The following FER1L6 variants were observed in gnomAD, a reference collection of about 807,000 sequenced individuals.
FER1L6 encodes the protein fer-1 like family member 6.
In FER1L6, 177 loss-of-function variants were observed where a neutral mutation model predicts 219.2. That is an observed-to-expected ratio of 0.81 (90% CI 0.71 to 0.91). The LOEUF (loss-of-function observed/expected upper bound fraction) is 0.91. Ranked by LOEUF, FER1L6 falls within the 40% of genes least tolerant of loss-of-function variation. The pLI is 0.00. For missense variants in FER1L6, 2,153 were observed against 2,259.9 expected (o/e 0.95, Z 0.96); for synonymous variants, 768 against 824.3 (o/e 0.93, Z 1.17).
chr8:124,112,021 G>C (rs1823040064), intron 39 of FER1L6, among the ~76,000 whole-genome samples: 1 of 152,176 alleles, frequency 6.6e-6, no homozygotes, highest in Non-Finnish European at 1.5e-5. Flanking sequence ...TAATAGGGTA[G>C]CAAGTTAGGT....
chr8:123,937,073 T>C (rs184935433), intron 1 of FER1L6, among the ~76,000 whole-genome samples: 369 of 152,262 alleles, frequency 2.4e-3, no homozygotes, highest in African/African-American at 8.5e-3. Context: ...GCCCGGCTAA[T>C]TTTTGTATTT....
intron 2 of FER1L6, among the ~76,000 whole-genome samples, chr8:123,960,537 C>T (rs758514117): frequency 1.3e-5 from 2 of 152,174 alleles, no homozygotes; most frequent in Admixed American, 6.5e-5. Context: ...TCACAAACTA[C>T]CACTAACTCA....
chr8:123,936,418 T>G (rs1041378880), intron 1 of FER1L6, among the ~76,000 whole-genome samples: 2 of 151,874 alleles, frequency 1.3e-5, no homozygotes, highest in South Asian at 2.1e-4. Context: ...TCTCACAGTT[T>G]AGAAAGTACA....
At chr8:123,856,248 TGAG>T (rs1816640521) in intron 1 of FER1L6, among the ~76,000 whole-genome samples, 3 of 134,962 alleles carry the variant, frequency 2.2e-5, no homozygotes, top group Non-Finnish European at 4.8e-5. Context: ...TACATGTGTA[TGAG>T]ATATATGTAT....
intron 12 of FER1L6, among the ~76,000 whole-genome samples, chr8:124,002,603 G>A (rs1174934752): frequency 6.6e-6 from 1 of 151,870 alleles, no homozygotes; most frequent in Non-Finnish European, 1.5e-5. Flanking sequence ...CCTATACAAA[G>A]ATATTTATAG....
intron 32 of FER1L6, among the ~76,000 whole-genome samples, chr8:124,076,975 A>G (rs13254252): frequency 0.85 from 128,884 of 152,254 alleles, 54,670 homozygotes; most frequent in African/African-American, 0.87. Context: ...CTAGGCATTC[A>G]CCAGCTCACA....
intron 1 of FER1L6, among the ~76,000 whole-genome samples, chr8:123,894,106 C>A (rs1434856886): frequency 6.6e-6 from 1 of 151,962 alleles, no homozygotes; most frequent in Non-Finnish European, 1.5e-5. Context: ...AGAAACTGAC[C>A]CTCTGGTTTT....
chr8:124,047,094 TGTTA>T (rs1380943599), intron 21 of FER1L6, among the ~76,000 whole-genome samples: 1 of 152,230 alleles, frequency 6.6e-6, no homozygotes, highest in Non-Finnish European at 1.5e-5. Flanking sequence ...TGCTTTCAAT[TGTTA>T]GTGTTTATTT....
At chr8:123,893,005 T>C (rs1196994463) in intron 1 of FER1L6, among the ~76,000 whole-genome samples, 1 of 151,502 alleles carries the variant, frequency 6.6e-6, no homozygotes. Context: ...CCTAAAATTC[T>C]GATATGTTTT....
In FER1L6 at chr8:124,041,698, C is replaced by T. The variant is rs1368827193; in HGVS notation, c.2589+1692C>T. Among the ~76,000 whole-genome samples, 8 of 152,234 alleles carry T rather than the reference C, an allele frequency of 5.3e-5. No individual in the cohort carries two copies. In the South Asian group the frequency reaches 1.7e-3, roughly 32 times the overall value. On this transcript the variant is annotated intron_variant, in intron 20 of 40. Transcript: ENST00000522917. ...TACCTGGGGGAGAAGTCAGGAGACA[C>T]CTCAGAAGAAAGGTGACTTCATCCT...
chr8:123,940,864 A>G (rs1053655348), intron 1 of FER1L6, among the ~76,000 whole-genome samples: 1 of 152,180 alleles, frequency 6.6e-6, no homozygotes, highest in Non-Finnish European at 1.5e-5. Flanking sequence ...TCAGGGCTAA[A>G]TGTTTAAGGA....
At chr8:123,885,380 A>G (rs1817183046) in intron 1 of FER1L6, among the ~76,000 whole-genome samples, 1 of 152,074 alleles carries the variant, frequency 6.6e-6, no homozygotes, top group South Asian at 2.1e-4. Flanking sequence ...GCTGTCTTGT[A>G]TCTTATTCTC....
At chr8:123,926,520 G>C (rs117410953) in intron 1 of FER1L6, among the ~76,000 whole-genome samples, 1 of 152,160 alleles carries the variant, frequency 6.6e-6, no homozygotes, top group Non-Finnish European at 1.5e-5. Context: ...AGGTTATGGT[G>C]GGGGAGGCAA....
intron 18 of FER1L6, among the ~76,000 whole-genome samples, chr8:124,025,691 G>GT (rs1461036330): frequency 2.0e-5 from 3 of 152,110 alleles, no homozygotes; most frequent in African/African-American, 4.8e-5. Flanking sequence ...TTTTAGGATA[G>GT]TTTTTTCTAA....
intron 33 of FER1L6, among the ~76,000 whole-genome samples, chr8:124,086,447 CAAAA>C (rs202042174): frequency 1.4e-5 from 2 of 139,008 alleles, no homozygotes; most frequent in East Asian, 4.1e-4. Context: ...CATAAACAAA[CAAAA>C]AAAAAAAGCA....
Position 123,853,200 on chromosome 8 carries a change from G to T in FER1L6, c.-8+1015G>T, listed in dbSNP as rs1182354347. The stretch of plus-strand genomic sequence containing the variant: ...GAGACAGTCTCACTCTATAGCCCAG[G>T]CTGGAGTGCAGTGGTACAATCTTGG... On this transcript the variant is annotated intron_variant, in intron 1 of 40. Coordinates refer to ENST00000522917, the MANE Select transcript of FER1L6 (RefSeq NM_001039112.2). This position sits in a 1 kb window ranked among gnomAD's most constrained non-coding sequence, Gnocchi z 6.6. Among the ~76,000 whole-genome samples, 1 of 152,034 alleles carries T rather than the reference G, an allele frequency of 6.6e-6. No individual in the cohort carries two copies. Among genetic ancestry groups the T allele is most frequent in the Non-Finnish European group, 1.5e-5 (1 of 68,028 alleles).
intron 38 of FER1L6, 21 bp downstream of exon 38, chr8:124,101,359 A>G (rs1406510784): frequency 6.2e-7 from 1 of 1,606,088 alleles, no homozygotes; most frequent in Non-Finnish European, 8.5e-7. Flanking sequence ...GGCTTCATCA[A>G]GCACATATTA....
rs574172444 is a variant in FER1L6 at position 123,901,131 on chromosome 8, C to T, written c.-8+48946C>T. Among the ~76,000 whole-genome samples, 12 of 152,176 alleles carry T rather than the reference C, an allele frequency of 7.9e-5. No homozygotes were observed. In the South Asian group the frequency reaches 1.9e-3, roughly 24 times the overall value. ...AATTCTGCTGTGAATCCATCTGGTCCGGGACTTTTTTTGTTGTTGGTAATT... is the reference window on the plus strand; with the variant it reads ...AATTCTGCTGTGAATCCATCTGGTCTGGGACTTTTTTTGTTGTTGGTAATT... On this transcript the variant is annotated intron_variant, in intron 1 of 40. Transcript: ENST00000522917.
chr8:123,984,121 T>C (rs1187205434), intron 11 of FER1L6: 2 of 152,086 alleles, frequency 1.3e-5, no homozygotes, highest in Non-Finnish European at 2.9e-5. Context: ...CTGAAATAAT[T>C]ATTTTGACTG....
Sources: allele counts gnomAD v4.1 joint callset (sites outside exome capture counted in the v4.1 genomes callset), GRCh38; gene constraint gnomAD v4.1.1; non-coding constraint Gnocchi (gnomAD v3.1); transcripts MANE v1.5; gene names NCBI Gene and HGNC (gene_info 2026-07-23, HGNC 2026-07-21).